The following GRM7 variants were observed in gnomAD, a reference collection of about 807,000 sequenced individuals.
GRM7 encodes glutamate metabotropic receptor 7.
GRM7 carries 35 observed loss-of-function variants against 84.5 expected under a neutral mutation model. The ratio of observed to expected loss-of-function variants is 0.41; its 90% CI spans 0.32 to 0.55. The LOEUF is 0.55. GRM7 is among the 20% of genes least tolerant of loss of function. The pLI, the probability that GRM7 is intolerant of heterozygous loss-of-function variation, is 0.19. For missense variants in GRM7, 1,003 were observed against 1,194.6 expected, an observed-to-expected ratio of 0.84 and a Z score of 2.36; for synonymous variants, 487 against 455.1, an observed-to-expected ratio of 1.07 and a Z score of -0.89.
chr3:6,942,540 A>G (rs1025387354), intron 1 of GRM7, among the ~76,000 whole-genome samples: 1 of 152,112 alleles, frequency 6.6e-6, no homozygotes, highest in Non-Finnish European at 1.5e-5. Flanking sequence ...AGATTTGTCC[A>G]TGTTATTGTC....
At chr3:7,374,641 GC>G (rs1694269707) in intron 4 of GRM7, among the ~76,000 whole-genome samples, 1 of 140,420 alleles carries the variant, frequency 7.1e-6, no homozygotes, top group African/African-American at 3.0e-5. Flanking sequence ...ACCATACCTG[GC>G]CATTTTTTTT....
chr3:7,734,763 T>G (rs751535144), intron 9 of GRM7, among the ~76,000 whole-genome samples: 4 of 152,226 alleles, frequency 2.6e-5, no homozygotes, highest in Non-Finnish European at 4.4e-5. Flanking sequence ...TGTCTCCATT[T>G]TTTTGGTAGT....
intron 2 of GRM7, among the ~76,000 whole-genome samples, chr3:7,186,512 T>C (rs1318905767): frequency 2.6e-5 from 4 of 152,230 alleles, no homozygotes; most frequent in African/African-American, 9.6e-5. Flanking sequence ...TGATTGTTCA[T>C]TAAAACGAAT....
chr3:7,314,816 C>T (rs1405289768), intron 4 of GRM7, among the ~76,000 whole-genome samples: 1 of 151,974 alleles, frequency 6.6e-6, no homozygotes, highest in Admixed American at 6.6e-5. Context: ...CCATATCTTC[C>T]TATTTATTTG....
chr3:7,685,383 A>C (rs1012697900), intron 9 of GRM7, among the ~76,000 whole-genome samples: 2 of 152,194 alleles, frequency 1.3e-5, no homozygotes, highest in African/African-American at 4.8e-5. Context: ...CAAGCCGTGC[A>C]GAGAAATACT....
At chr3:7,533,701 A>G (rs1175976917) in intron 7 of GRM7, among the ~76,000 whole-genome samples, 1 of 152,210 alleles carries the variant, frequency 6.6e-6, no homozygotes, top group Non-Finnish European at 1.5e-5. Context: ...ATTGACTGTC[A>G]TCTTCCTTGT....
chr3:7,721,482 G>A (rs188606927), intron 9 of GRM7, among the ~76,000 whole-genome samples: 22 of 152,300 alleles, frequency 1.4e-4, no homozygotes, highest in Non-Finnish European at 2.6e-4. Flanking sequence ...GACAGCATCA[G>A]CTTGGTAGTT....
chr3:7,288,072 A>T (rs766659021), intron 2 of GRM7, among the ~76,000 whole-genome samples: 1 of 152,148 alleles, frequency 6.6e-6, no homozygotes, highest in Non-Finnish European at 1.5e-5. Flanking sequence ...AATTCTGTGT[A>T]TTTAAACATT....
In GRM7 at chr3:7,713,289, A is replaced by G. The variant is rs1221005982; in HGVS notation, c.2699-27068A>G. ...GTAGCTGAGATTACAGGCACCCACT[A>G]CCATGCCTGGCTAATTTTCATATTT... On this transcript the variant is annotated intron_variant, in intron 9 of 9. Transcript: ENST00000357716. Among the ~76,000 whole-genome samples, 7 of 151,438 alleles carry G rather than the reference A, an allele frequency of 4.6e-5. No homozygotes were observed. The East Asian group carries it at 1.4e-3, about 29-fold the overall frequency.
At chr3:7,454,130 A>G (rs1168315056) in intron 6 of GRM7, among the ~76,000 whole-genome samples, 1 of 108,924 alleles carries the variant, frequency 9.2e-6, no homozygotes, top group Non-Finnish European at 1.9e-5. Context: ...TCTCTCTCTC[A>G]TAAACTAACA....
At chr3:6,883,152 T>C (rs1038571578) in intron 1 of GRM7, among the ~76,000 whole-genome samples, 3 of 152,226 alleles carry the variant, frequency 2.0e-5, no homozygotes, top group Non-Finnish European at 4.4e-5. Context: ...ATTTCTTTGG[T>C]TAATAATTGT....
chr3:7,087,402 T>A (rs1399649431), intron 1 of GRM7, among the ~76,000 whole-genome samples: 3 of 152,070 alleles, frequency 2.0e-5, no homozygotes, highest in Non-Finnish European at 4.4e-5. Context: ...CTTTTTTTTT[T>A]TTTTACCCCA....
intron 7 of GRM7, among the ~76,000 whole-genome samples, chr3:7,487,215 T>G (rs552835562): frequency 6.6e-6 from 1 of 152,248 alleles, no homozygotes; most frequent in African/African-American, 2.4e-5. Context: ...CTGCTTAAGC[T>G]GAGATTCAGG....
At chr3:7,712,497 T>G (rs1701616211) in intron 9 of GRM7, among the ~76,000 whole-genome samples, 1 of 151,988 alleles carries the variant, frequency 6.6e-6, no homozygotes, top group Non-Finnish European at 1.5e-5. Context: ...CCCTCACATC[T>G]AAATTTTCTT....
chr3:7,257,438 C>T (rs1373192771), intron 2 of GRM7, among the ~76,000 whole-genome samples: 1 of 152,158 alleles, frequency 6.6e-6, no homozygotes, highest in Admixed American at 6.5e-5. Flanking sequence ...TTACCCCATA[C>T]TAAATACCTT....
At chr3:7,276,089 G>A (rs1188252025) in intron 2 of GRM7, among the ~76,000 whole-genome samples, 1 of 152,014 alleles carries the variant, frequency 6.6e-6, no homozygotes, top group Non-Finnish European at 1.5e-5. Flanking sequence ...AAAAAGAGCT[G>A]TTGGTATTTC....
At chr3:6,915,799 C>T (rs1267299385) in intron 1 of GRM7, among the ~76,000 whole-genome samples, 1 of 152,122 alleles carries the variant, frequency 6.6e-6, no homozygotes, top group African/African-American at 2.4e-5. Flanking sequence ...ACCTTTCACC[C>T]AAACATAATA....
chr3:7,525,800 A>G (rs1441591058), intron 7 of GRM7, among the ~76,000 whole-genome samples: 1 of 152,086 alleles, frequency 6.6e-6, no homozygotes, highest in East Asian at 1.9e-4. Flanking sequence ...AAGTGAGAAC[A>G]TGTGATATTT....
intron 4 of GRM7, among the ~76,000 whole-genome samples, chr3:7,353,024 A>G (rs984634618): frequency 6.6e-6 from 1 of 152,102 alleles, no homozygotes; most frequent in African/African-American, 2.4e-5. Context: ...CTATGGCTAC[A>G]GGAGAGAAGG....
Sources: gnomAD v4.1 joint callset for allele counts (sites outside exome capture counted in the v4.1 genomes callset) on GRCh38, gnomAD v4.1.1 for gene constraint, MANE v1.5 for transcripts, NCBI Gene and HGNC (gene_info 2026-07-23, HGNC 2026-07-21) for gene names.